Variants in ROBO2 observed in about 807,000 individuals in gnomAD.
ROBO2 encodes roundabout guidance receptor 2, also known as roundabout homolog 2.
In ROBO2, 53 loss-of-function variants were observed where a neutral mutation model predicts 160.8. That is an observed-to-expected ratio of 0.33 (90% CI 0.26 to 0.41). The LOEUF is 0.41. ROBO2 is among the 10% of genes least tolerant of loss of function. The pLI is 1.00. For missense variants in ROBO2, 1,577 were observed against 1,722.4 expected (o/e 0.92, Z 1.49); for synonymous variants, 664 against 611.7 (o/e 1.09, Z -1.26).
intron 2 of ROBO2, among the ~76,000 whole-genome samples, chr3:76,079,609 G>A (rs1383223828): frequency 1.3e-5 from 2 of 151,170 alleles, no homozygotes; most frequent in South Asian, 2.1e-4. Flanking sequence ...TCAGCCTCCC[G>A]AGTAGCTGGG....
At chr3:76,103,483 A>G (rs1199748204) in intron 2 of ROBO2, among the ~76,000 whole-genome samples, 1 of 152,180 alleles carries the variant, frequency 6.6e-6, no homozygotes, top group African/African-American at 2.4e-5. Context: ...CAGCTCTTAA[A>G]TGTGAAATGT....
intron 2 of ROBO2, among the ~76,000 whole-genome samples, chr3:76,035,787 A>C (rs1033058264): frequency 3.3e-5 from 5 of 152,016 alleles, no homozygotes; most frequent in African/African-American, 1.2e-4. Context: ...AATCTCATCA[A>C]AAAGTGACAG....
chr3:77,061,000 A>G (rs1352475648), intron 1 of ROBO2, among the ~76,000 whole-genome samples: 2 of 152,018 alleles, frequency 1.3e-5, no homozygotes, highest in African/African-American at 2.4e-5. Context: ...CAGTGGTGCA[A>G]TCATAGCTCA....
intron 2 of ROBO2, among the ~76,000 whole-genome samples, chr3:76,950,051 G>T (rs1331448299): frequency 1.3e-5 from 2 of 152,146 alleles, no homozygotes; most frequent in Non-Finnish European, 2.9e-5. Flanking sequence ...TTGTGATGAA[G>T]TCTCCAAAGT....
At chr3:75,932,125 G>T (rs1947571740) in intron 1 of ROBO2, among the ~76,000 whole-genome samples, 1 of 152,028 alleles carries the variant, frequency 6.6e-6, no homozygotes, top group Non-Finnish European at 1.5e-5. Flanking sequence ...AGCAGGAGTG[G>T]TTTTACTCAC....
At chr3:76,465,911 A>G (rs1477946374) in intron 2 of ROBO2, among the ~76,000 whole-genome samples, 2 of 151,756 alleles carry the variant, frequency 1.3e-5, no homozygotes, top group Non-Finnish European at 2.9e-5. Flanking sequence ...AAGACAAAAA[A>G]ACACTGGCCC....
At chr3:76,436,976 T>C (rs527810446) in intron 2 of ROBO2, among the ~76,000 whole-genome samples, 1 of 152,314 alleles carries the variant, frequency 6.6e-6, no homozygotes, top group South Asian at 2.1e-4. Flanking sequence ...CAAATAAATA[T>C]GTGAAATGCT....
At chr3:76,370,346 C>T (rs1312135622) in intron 2 of ROBO2, among the ~76,000 whole-genome samples, 1 of 151,790 alleles carries the variant, frequency 6.6e-6, no homozygotes, top group Non-Finnish European at 1.5e-5. Context: ...ATTTCTTGCT[C>T]AATATGTCAG....
At chr3:77,311,369 A>G (rs1440823586) in intron 2 of ROBO2, among the ~76,000 whole-genome samples, 1 of 152,176 alleles carries the variant, frequency 6.6e-6, no homozygotes, top group African/African-American at 2.4e-5. Flanking sequence ...CCACAGATAA[A>G]CTGTATATTT....
At chr3:77,035,260 A>T (rs545910385), upstream of ROBO2, among the ~76,000 whole-genome samples, 137 of 152,014 alleles carry the variant, frequency 9.0e-4, no homozygotes, top group African/African-American at 3.1e-3. Context: ...AGATAAATAA[A>T]ATCTCATCCA....
intron 2 of ROBO2, among the ~76,000 whole-genome samples, chr3:77,320,493 G>T (rs1404881797): frequency 6.6e-6 from 1 of 151,776 alleles, no homozygotes; most frequent in Non-Finnish European, 1.5e-5. Flanking sequence ...ATTTCCTTTT[G>T]CCTCTAGAGG....
intron 2 of ROBO2, among the ~76,000 whole-genome samples, chr3:77,344,687 G>A (rs1165943594): frequency 6.6e-6 from 1 of 152,082 alleles, no homozygotes; most frequent in African/African-American, 2.4e-5. Context: ...AGCCCAAATG[G>A]ACTGAAACAG....
At chr3:77,061,430 C>T (rs2066291287) in intron 1 of ROBO2, among the ~76,000 whole-genome samples, 1 of 152,050 alleles carries the variant, frequency 6.6e-6, no homozygotes, top group African/African-American at 2.4e-5. Flanking sequence ...CCTATGTCTC[C>T]AAATAATACC....
intron 19 of ROBO2, 98 bp from the exon 21 acceptor site, chr3:77,602,112 A>G (rs1419926837): frequency 8.1e-7 from 1 of 1,233,434 alleles, no homozygotes; most frequent in African/African-American, 1.5e-5. Flanking sequence ...TGAAATGCAA[A>G]CGTGCAGTGT....
chr3:77,462,505 A>C (rs969933333), intron 2 of ROBO2, among the ~76,000 whole-genome samples: 2 of 152,238 alleles, frequency 1.3e-5, no homozygotes, highest in African/African-American at 4.8e-5. Flanking sequence ...CTAATTGTGG[A>C]AAATTGCCAT....
At chr3:76,265,489 G>A (rs531098368) in intron 2 of ROBO2, among the ~76,000 whole-genome samples, 2 of 152,214 alleles carry the variant, frequency 1.3e-5, no homozygotes, top group African/African-American at 4.8e-5. Context: ...ACCACTACAT[G>A]AAATAGTTAT....
At chr3:76,901,709 C>A (rs1016401610) in intron 2 of ROBO2, among the ~76,000 whole-genome samples, 6 of 151,694 alleles carry the variant, frequency 4.0e-5, no homozygotes. Context: ...ATTTTTTACC[C>A]AGATGCTTAA....
intron 2 of ROBO2, among the ~76,000 whole-genome samples, chr3:77,278,967 C>T (rs530271904): frequency 6.6e-6 from 1 of 152,236 alleles, no homozygotes; most frequent in Admixed American, 6.5e-5. Context: ...AAATCATCAT[C>T]ACCTTCACAG....
chr3:76,616,932 T>G (rs1223700159), intron 2 of ROBO2, among the ~76,000 whole-genome samples: 2 of 152,058 alleles, frequency 1.3e-5, no homozygotes, highest in African/African-American at 4.8e-5. Flanking sequence ...AAGTCTAAAG[T>G]TCTTATTGTG....
Sources: allele counts gnomAD v4.1 joint callset (sites outside exome capture counted in the v4.1 genomes callset), GRCh38; gene constraint gnomAD v4.1.1; transcripts MANE v1.5; gene names NCBI Gene and HGNC (gene_info 2026-07-23, HGNC 2026-07-21).